Variants in PSME4 observed in about 807,000 individuals in gnomAD.
The protein encoded by PSME4 is proteasome activator subunit 4.
In PSME4, 89 loss-of-function variants were observed where a neutral mutation model predicts 253.9. That is an observed-to-expected ratio of 0.35 (90% CI 0.30 to 0.42). The LOEUF (loss-of-function observed/expected upper bound fraction) is 0.42, where lower values mean the gene tolerates loss of function less well. PSME4 is among the 10% of genes least tolerant of loss of function. PSME4 has a pLI of 1.00. For missense variants in PSME4, 2,014 were observed against 2,195.2 expected, an observed-to-expected ratio of 0.92 and a Z score of 1.65; for synonymous variants, 851 against 759.2, an observed-to-expected ratio of 1.12 and a Z score of -1.99.
At chr2:53,871,396 A>G (rs1032719790) in intron 43 of PSME4, among the ~76,000 whole-genome samples, 2 of 152,010 alleles carry the variant, frequency 1.3e-5, no homozygotes, top group African/African-American at 4.8e-5. Flanking sequence ...GACTACAGCT[A>G]CAACCCGCTG....
At chr2:53,908,586 G>T in intron 22 of PSME4, 21 bp from the exon 23 acceptor site, 1 of 1,572,836 alleles carries the variant, frequency 6.4e-7, no homozygotes, top group South Asian at 1.2e-5. Flanking sequence ...AGAAAGAAAA[G>T]GATTTTGGTT....
intron 20 of PSME4, among the ~76,000 whole-genome samples, chr2:53,911,121 G>C (rs889498883): frequency 6.6e-6 from 1 of 152,058 alleles, no homozygotes; most frequent in African/African-American, 2.4e-5. Context: ...TATGAATTCA[G>C]GTATTTATCT....
chr2:53,963,558 A>G (rs1482045062), intron 1 of PSME4, among the ~76,000 whole-genome samples: 1 of 152,222 alleles, frequency 6.6e-6, no homozygotes, highest in African/African-American at 2.4e-5. Context: ...AGGTAACTTA[A>G]GAGAATACTT....
chr2:53,895,432 T>C (rs1257715070), intron 33 of PSME4, 151 bp downstream of exon 33: 12 of 786,836 alleles, frequency 1.5e-5, no homozygotes, highest in Non-Finnish European at 2.4e-5. Flanking sequence ...GAATGAGGCA[T>C]AGCATTGGCA....
At chr2:53,875,495 T>C (rs935125119) in intron 42 of PSME4, 132 bp downstream of exon 42, 2 of 862,484 alleles carry the variant, frequency 2.3e-6, no homozygotes, top group East Asian at 2.9e-5. Flanking sequence ...GGTCAATATA[T>C]ATGTCTTCTC....
chr2:53,941,667 G>A (rs1262025190), intron 3 of PSME4, among the ~76,000 whole-genome samples: 1 of 151,932 alleles, frequency 6.6e-6, no homozygotes, highest in Non-Finnish European at 1.5e-5. Flanking sequence ...TAACAGCTAA[G>A]GTTTAAAGAG....
rs1179771545 is a variant in PSME4, at chr2:53,933,740, G to C, written c.957+865C>G. On this transcript the variant is annotated intron_variant, in intron 8 of 46. Coordinates refer to ENST00000404125, the MANE Select transcript of PSME4 (RefSeq NM_014614.3). ...AATGAGAACTGTGTGAGAAAGCAGA[G>C]CAAAATTCACTCACACAATAACTAA... Among the ~76,000 whole-genome samples the C allele has an allele frequency of 2.0e-5, 3 of 152,292 alleles. No individual in the cohort carries two copies. In the East Asian group the frequency reaches 5.8e-4, roughly 29 times the overall value.
At position 53,910,094 on chromosome 2, in the gene PSME4, C is replaced by T; in HGVS notation, c.2553G>A (p.Leu851=). 1.2e-6 allele frequency: 2 copies of T among 1,609,216 alleles called. No homozygotes were observed. The highest frequency in any genetic ancestry group is 1.1e-5 in the South Asian group (1 of 90,986). ...PSMVSLEETK[L]YTGLEYDLSR... Reference sequence around the variant, plus strand: ...ACATACCATATTCAAGTCCAGTATACAACTTTGTCTCTTCCAAGGACACCA... The same window carrying T: ...ACATACCATATTCAAGTCCAGTATATAACTTTGTCTCTTCCAAGGACACCA... The change falls in exon 21 of 47, where the codon TTG becomes TTA. Residue 851 remains leucine, a synonymous_variant. Transcript: ENST00000404125.
chr2:53,895,862 G>A (rs957235942), intron 32 of PSME4, 126 bp from the exon 33 acceptor site: 2 of 829,038 alleles, frequency 2.4e-6, no homozygotes, highest in Non-Finnish European at 3.6e-6. Flanking sequence ...ATAACATTAA[G>A]ATAACATATA....
chr2:53,874,407 T>C lies in PSME4; in HGVS notation c.5032A>G (p.Asn1678Asp). The C allele has an allele frequency of 6.2e-7, 1 of 1,613,922 alleles. No individual in the cohort carries two copies. The highest frequency in any genetic ancestry group is 8.5e-7 in the Non-Finnish European group (1 of 1,179,802). Reference sequence around the variant, plus strand: ...ATATCTTTAACTGCATCTTCATTGTTTAGGAAAATAAAGAGGTTATAAAAT... The same window carrying C: ...ATATCTTTAACTGCATCTTCATTGTCTAGGAAAATAAAGAGGTTATAAAAT... ...MVFYNLFIFL[N>D]NEDAVKDIRW... The change falls in exon 43 of 47, where the codon AAC (asparagine) becomes GAC (aspartate). Residue 1678 changes from asparagine to aspartate, a missense_variant. This residue lies in a region of PSME4 where 403 missense variants were observed against 556.1 expected (regional missense o/e 0.72). Coordinates refer to ENST00000404125, the MANE Select transcript of PSME4 (RefSeq NM_014614.3).
At chr2:53,866,261 T>C in intron 45 of PSME4, 38 bp from the exon 46 acceptor site, 1 of 1,606,266 alleles carries the variant, frequency 6.2e-7, no homozygotes, top group African/African-American at 1.3e-5. Flanking sequence ...TTAACCTCTC[T>C]GGACAACCAG....
chr2:53,940,147 G>T, intron 3 of PSME4, 147 bp from the exon 4 acceptor site: 1 of 561,696 alleles, frequency 1.8e-6, no homozygotes, highest in Non-Finnish European at 2.9e-6. Flanking sequence ...CATACAAACG[G>T]AACTGCAAGG....
intron 3 of PSME4, among the ~76,000 whole-genome samples, chr2:53,942,650 G>A (rs1669505479): frequency 6.6e-6 from 1 of 152,106 alleles, no homozygotes; most frequent in Non-Finnish European, 1.5e-5. Flanking sequence ...GGTATAGAAA[G>A]CAGGTATACG....
chr2:53,950,616 T>G (rs999206520), intron 1 of PSME4, among the ~76,000 whole-genome samples: 1 of 151,752 alleles, frequency 6.6e-6, no homozygotes, highest in East Asian at 2.0e-4. Flanking sequence ...CCGACGTGGG[T>G]GGATTACCTG....
chr2:53,925,851 A>G (rs1668534219), intron 13 of PSME4, 108 bp downstream of exon 13: 2 of 1,263,592 alleles, frequency 1.6e-6, no homozygotes, highest in Non-Finnish European at 2.3e-6. Context: ...CAGGAGCACC[A>G]GTAGTAGCTA....
intron 41 of PSME4, among the ~76,000 whole-genome samples, chr2:53,878,779 TGATAA>T (rs897142265): frequency 6.6e-6 from 1 of 152,244 alleles, no homozygotes; most frequent in Non-Finnish European, 1.5e-5. Context: ...CCCCATCTCC[TGATAA>T]GATGTTATCA....
intron 8 of PSME4, among the ~76,000 whole-genome samples, chr2:53,933,390 A>T (rs1224402311): frequency 6.7e-6 from 1 of 149,888 alleles, no homozygotes; most frequent in African/African-American, 2.5e-5. Flanking sequence ...AAAAAAAAAA[A>T]AAAAAAAAAA....
In PSME4 at chr2:53,934,588, T is replaced by C. The variant is rs563768643; in HGVS notation, c.957+17A>G. On this transcript the variant is annotated intron_variant, in intron 8 of 46. Transcript: ENST00000404125. Reference sequence around the variant, plus strand: ...ATAGGCGTAAACTACAGAAAACAAATATAATGTATTACAAACCATCATGGC... The same window carrying C: ...ATAGGCGTAAACTACAGAAAACAAACATAATGTATTACAAACCATCATGGC... The C allele has an allele frequency of 3.8e-6, 6 of 1,596,436 alleles. No individual in the cohort carries two copies. The Admixed American group carries it at 5.1e-5, about 14-fold the overall frequency.
intron 10 of PSME4, 113 bp from the exon 11 acceptor site, chr2:53,928,416 A>G: frequency 1.3e-6 from 1 of 787,492 alleles, no homozygotes; most frequent in Non-Finnish European, 1.9e-6. Flanking sequence ...GCTTACAGTT[A>G]GCAAAATACT....
Sources: gnomAD v4.1 joint callset for allele counts (sites outside exome capture counted in the v4.1 genomes callset) on GRCh38, gnomAD v4.1.1 for gene constraint, gnomAD v4.1.1 regional missense constraint, MANE v1.5 for transcripts, NCBI Gene and HGNC (gene_info 2026-07-23, HGNC 2026-07-21) for gene names.